KIFC3: variants seen among roughly 807,000 people sequenced by gnomAD.
KIFC3 encodes the protein kinesin family member C3, also known as kinesin-like protein KIFC3.
In KIFC3, 60 loss-of-function variants were observed where a neutral mutation model predicts 101.8. That is an observed-to-expected ratio of 0.59 (90% confidence interval 0.48 to 0.73). KIFC3 has a LOEUF of 0.73. KIFC3 is among the 30% of genes least tolerant of loss of function. The pLI, the probability that KIFC3 is intolerant of heterozygous loss-of-function variation, is 0.00. For synonymous variants in KIFC3, 476 were observed against 482.7 expected (o/e 0.99, Z 0.18); for missense variants, 966 against 1,137.1 (o/e 0.85, Z 2.16).
chr16:57,770,620 C>A lies in KIFC3; in HGVS notation c.846G>T (p.Leu282=). 6.5e-7 allele frequency: 1 copy of A among 1,548,708 alleles called. No individual in the cohort carries two copies. The highest frequency in any genetic ancestry group is 8.7e-7 in the Non-Finnish European group (1 of 1,146,040). ...LSESQARNQH[L]QEQVAMQRQV... Reference sequence around the variant, plus strand: ...GCCTCTGCATAGCCACCTGCTCCTGCAGGTGCTGGTTCCGGGCCTGGGACT... The same window carrying A: ...GCCTCTGCATAGCCACCTGCTCCTGAAGGTGCTGGTTCCGGGCCTGGGACT... The change falls in exon 7 of 20, where the codon CTG becomes CTT. Residue 282 remains leucine, a synonymous_variant. Coordinates refer to ENST00000445690, the MANE Select transcript of KIFC3 (RefSeq NM_001130100.2).
intron 1 of KIFC3, among the ~76,000 whole-genome samples, chr16:57,833,869 T>TC (rs1163622104): frequency 1.3e-4 from 11 of 86,118 alleles, no homozygotes; most frequent in Admixed American, 5.1e-4. Flanking sequence ...GCAGTTGCTT[T>TC]TTTTTTTTTT....
intron 1 of KIFC3, among the ~76,000 whole-genome samples, chr16:57,850,695 C>T (rs1391568009): frequency 1.3e-5 from 2 of 151,664 alleles, no homozygotes; most frequent in African/African-American, 2.4e-5. Flanking sequence ...AGGCTGGTCT[C>T]GAACTCCCGA....
chr16:57,760,481 G>A lies in KIFC3; in HGVS notation c.2233-65C>T, dbSNP rs530667512. On this transcript the variant is annotated intron_variant, in intron 16 of 19. Coordinates refer to ENST00000445690, the MANE Select transcript of KIFC3 (RefSeq NM_001130100.2). ...GGAGGGGCAACAGGGTCACGAGAGGGAGCTCACAGCTGGGGCCGTCAGAAG... is the reference window on the plus strand; with the variant it reads ...GGAGGGGCAACAGGGTCACGAGAGGAAGCTCACAGCTGGGGCCGTCAGAAG... 1.2e-5 allele frequency: 19 copies of A among 1,573,722 alleles called. No homozygotes were observed. In the African/African-American group the frequency reaches 2.6e-4, roughly 21 times the overall value.
At chr16:57,795,175 C>CGACCACTGGCCAAAGACTGCTAGCCATG (rs2054191093) in intron 2 of KIFC3, 34 bp from the exon 3 acceptor site, 13 of 1,596,044 alleles carry the variant, frequency 8.1e-6, no homozygotes, top group Non-Finnish European at 1.1e-5. Context: ...TGAGACACTC[C>CGACCACTGGCCAAAGACTGCTAGCCATG]GACCACTGGC....
At chr16:57,762,474 G>A (rs1239733040) in intron 12 of KIFC3, among the ~76,000 whole-genome samples, 4 of 152,188 alleles carry the variant, frequency 2.6e-5, no homozygotes, top group Non-Finnish European at 5.9e-5. Flanking sequence ...AAATGGCATC[G>A]CCCTGCCAGG....
intron 3 of KIFC3, chr16:57,785,311 TCAC>T (rs1443342313): frequency 4.2e-6 from 1 of 239,858 alleles, no homozygotes; most frequent in Non-Finnish European, 7.5e-6. Context: ...CCTCTGACTC[TCAC>T]CACCCTACCC....
chr16:57,831,367 A>G (rs887315763), intron 1 of KIFC3, among the ~76,000 whole-genome samples: 2 of 152,244 alleles, frequency 1.3e-5, no homozygotes, highest in Admixed American at 6.5e-5. Context: ...CGCACTGTGC[A>G]CATGAATCAG....
rs1555605631 is a variant in KIFC3, at chr16:57,769,588, C to A, written c.1218+7G>T. 3 of 1,607,208 alleles carry A rather than the reference C, an allele frequency of 1.9e-6. No homozygotes were observed. Among genetic ancestry groups the A allele is most frequent in the East Asian group, 2.2e-5 (1 of 44,852 alleles). ...CCTGGACCCTCCCACCCACTGCCCTCGCTCACCTCGGCCTTGACACTCCTG... is the reference window on the plus strand; with the variant it reads ...CCTGGACCCTCCCACCCACTGCCCTAGCTCACCTCGGCCTTGACACTCCTG... On this transcript the variant is annotated splice_region_variant and intron_variant, in intron 9 of 19. Coordinates refer to ENST00000445690, the MANE Select transcript of KIFC3 (RefSeq NM_001130100.2). This position sits in a 1 kb window ranked among gnomAD's most constrained non-coding sequence, Gnocchi z 4.3.
In KIFC3 at chr16:57,793,285, C is replaced by CA. The variant is rs879980109; in HGVS notation, c.315+1713dup. Among the ~76,000 whole-genome samples, 684 of 127,002 alleles carry CA rather than the reference C, an allele frequency of 5.4e-3. 4 individuals carry two copies. The highest frequency in any genetic ancestry group is 0.017 in the African/African-American group (584 of 34,184). 83.3% of individuals were successfully genotyped at this position (127,002 alleles called of 152,430 possible). ...TGGGCAACAGAGTGAGACTCTGTCT[C>CA]AAAAAAAAAAAAATCATATAAATAT... On this transcript the variant is annotated intron_variant, in intron 3 of 19. Coordinates refer to ENST00000445690, the MANE Select transcript of KIFC3 (RefSeq NM_001130100.2).
chr16:57,767,602 T>C (rs781787416), intron 9 of KIFC3, among the ~76,000 whole-genome samples: 15 of 152,172 alleles, frequency 9.9e-5, no homozygotes, highest in African/African-American at 1.4e-4. Context: ...TAAAATGATA[T>C]AGTGTTTGCC....
intron 10 of KIFC3, among the ~76,000 whole-genome samples, chr16:57,766,453 G>A (rs1020037873): frequency 6.6e-5 from 10 of 152,194 alleles, no homozygotes; most frequent in South Asian, 2.1e-4. Flanking sequence ...GTGGGGCCAC[G>A]ACCATAGCCT....
At chr16:57,821,905 C>G (rs1158610195) in intron 1 of KIFC3, among the ~76,000 whole-genome samples, 1 of 151,832 alleles carries the variant, frequency 6.6e-6, no homozygotes, top group Admixed American at 6.6e-5. Context: ...AGAGTGAGAC[C>G]CGTCTCTACC....
At chr16:57,790,619 C>A (rs1190635876) in intron 3 of KIFC3, among the ~76,000 whole-genome samples, 2 of 152,110 alleles carry the variant, frequency 1.3e-5, no homozygotes, top group Non-Finnish European at 2.9e-5. Context: ...CTTGAAGCTG[C>A]ATTCTCCTCA....
At chr16:57,778,998 C>T (rs1475219899) in intron 3 of KIFC3, among the ~76,000 whole-genome samples, 2 of 152,114 alleles carry the variant, frequency 1.3e-5, no homozygotes, top group African/African-American at 4.8e-5. Context: ...TAAAATGGTG[C>T]GGCCACTATG....
intron 1 of KIFC3, among the ~76,000 whole-genome samples, chr16:57,860,991 C>T (rs1327331108): frequency 2.0e-5 from 3 of 152,102 alleles, no homozygotes; most frequent in African/African-American, 7.2e-5. Flanking sequence ...GGATTACAGG[C>T]ATGAGCCACC....
At chr16:57,788,896 C>T (rs1471712456) in intron 3 of KIFC3, among the ~76,000 whole-genome samples, 2 of 152,206 alleles carry the variant, frequency 1.3e-5, no homozygotes, top group Non-Finnish European at 2.9e-5. Context: ...TGCCAGGTCC[C>T]ACAGCAAGAC....
chr16:57,816,425 G>A (rs1460301505), intron 1 of KIFC3: 1 of 507,900 alleles, frequency 2.0e-6, no homozygotes, highest in Non-Finnish European at 3.7e-6. Flanking sequence ...GGGCCAAGAG[G>A]CAAAGGTTTT....
At chr16:57,815,296 C>G (rs1000060520) in intron 1 of KIFC3, 48 of 417,502 alleles carry the variant, frequency 1.1e-4, no homozygotes, top group Non-Finnish European at 1.7e-4. Context: ...GGGAGGCTGA[C>G]TGGAGGCAGA....
chr16:57,856,883 T>C (rs1268279758), intron 1 of KIFC3, among the ~76,000 whole-genome samples: 1 of 152,196 alleles, frequency 6.6e-6, no homozygotes, highest in African/African-American at 2.4e-5. Context: ...TAGAAGAAAT[T>C]GAATTCATAG....
Sources: allele counts gnomAD v4.1 joint callset (sites outside exome capture counted in the v4.1 genomes callset), GRCh38; gene constraint gnomAD v4.1.1; non-coding constraint Gnocchi (gnomAD v3.1); transcripts MANE v1.5; gene names NCBI Gene and HGNC (gene_info 2026-07-23, HGNC 2026-07-21).